ALMS1: variants seen among roughly 807,000 people sequenced by gnomAD.
ALMS1 encodes centrosome-associated protein ALMS1.
ALMS1 carries 271 observed loss-of-function variants against 352.2 expected under a neutral mutation model. The ratio of observed to expected loss-of-function variants is 0.77; its 90% CI spans 0.70 to 0.85. The LOEUF is 0.85. Ranked by LOEUF, ALMS1 falls within the 40% of genes least tolerant of loss-of-function variation. The pLI is 0.00. For missense variants in ALMS1, 5,445 were observed against 4,870.7 expected, an observed-to-expected ratio of 1.12 and a Z score of -3.51; for synonymous variants, 1,865 against 1,761.2, an observed-to-expected ratio of 1.06 and a Z score of -1.48.
chr2:73,489,760 C>T lies in ALMS1; in HGVS notation c.7801C>T (p.Pro2601Ser), dbSNP rs1553409608. The T allele has an allele frequency of 3.7e-6, 6 of 1,614,084 alleles. No homozygotes were observed. The highest frequency in any genetic ancestry group is 2.2e-5 in the East Asian group (1 of 44,880). ...TSEHPQLDRH[P>S]CAFRSAGPSE... The stretch of plus-strand genomic sequence containing the variant: ...TGAACATCCACAACTAGATAGACAC[C>T]CTTGTGCTTTCAGATCTGCTGGACC... Residue 2601 changes from proline (P) to serine (S), a missense_variant, in exon 10 of 23, where the codon CCT becomes TCT. By Grantham distance (74) the Pro-to-Ser change is moderately conservative. Coordinates refer to ENST00000613296, the MANE Select transcript of ALMS1 (RefSeq NM_001378454.1).
chr2:73,500,906 C>T (rs11893492), intron 10 of ALMS1, among the ~76,000 whole-genome samples: 2,532 of 152,170 alleles, frequency 0.017, 70 homozygotes, highest in African/African-American at 0.057. Context: ...GGATTAGATA[C>T]GCTAACCTGG....
chr2:73,551,076 C>T lies in ALMS1; in HGVS notation c.10078+639C>T, dbSNP rs1674422073. 2.0e-5 allele frequency among the ~76,000 whole-genome samples: 3 copies of T among 152,048 alleles called. No homozygotes were observed. In the South Asian group the frequency reaches 6.2e-4, roughly 32 times the overall value. On this transcript the variant is annotated intron_variant, in intron 13 of 22. Coordinates refer to ENST00000613296, the MANE Select transcript of ALMS1 (RefSeq NM_001378454.1). ...GTCTCGCTATGTTGCCTGGGCTGGT[C>T]TTGAATTCCTGGCCTCAAGCTGTCT...
At chr2:73,553,068 G>A (rs1447861894) in intron 13 of ALMS1, among the ~76,000 whole-genome samples, 1 of 152,050 alleles carries the variant, frequency 6.6e-6, no homozygotes, top group Non-Finnish European at 1.5e-5. Context: ...GGACTACCAT[G>A]TACATAAAAA....
rs745564993 is a variant in ALMS1, at chr2:73,534,861, T to C, written c.9819T>C (p.Ser3273=). 6.2e-7 allele frequency: 1 copy of C among 1,613,678 alleles called. No individual in the cohort carries two copies. The highest frequency in any genetic ancestry group is 8.5e-7 in the Non-Finnish European group (1 of 1,179,654). Residue 3273 remains serine (S), a synonymous_variant, in exon 12 of 23, where the codon AGT becomes AGC. Coordinates refer to ENST00000613296, the MANE Select transcript of ALMS1 (RefSeq NM_001378454.1). Reference sequence around the variant, plus strand: ...TATTGCCATATAAGCCTTCTGGTAGTACCAAGATGTATTATGTTCCACAAT... The same window carrying C: ...TATTGCCATATAAGCCTTCTGGTAGCACCAAGATGTATTATGTTCCACAAT... ...PLLLPYKPSG[S]TKMYYVPQLR...
chr2:73,418,090 CTT>C (rs1671213869), intron 2 of ALMS1, among the ~76,000 whole-genome samples: 1 of 152,096 alleles, frequency 6.6e-6, no homozygotes. Flanking sequence ...TATAGTAAGA[CTT>C]TTAATTTCAT....
chr2:73,514,075 C>G (rs1161464610), intron 10 of ALMS1, among the ~76,000 whole-genome samples: 1 of 152,104 alleles, frequency 6.6e-6, no homozygotes, highest in Non-Finnish European at 1.5e-5. Context: ...ATTAATATAT[C>G]TTTTCTCTCC....
At chr2:73,576,359 A>G (rs769477982) in intron 16 of ALMS1, among the ~76,000 whole-genome samples, 2 of 152,066 alleles carry the variant, frequency 1.3e-5, no homozygotes, top group African/African-American at 4.8e-5. Context: ...CATATGTGCA[A>G]TTTCTTTCTT....
chr2:73,568,768 A>G (rs1051436462), intron 15 of ALMS1, among the ~76,000 whole-genome samples: 1 of 152,172 alleles, frequency 6.6e-6, no homozygotes, highest in African/African-American at 2.4e-5. Flanking sequence ...TTAAAAATAA[A>G]TGAAAAGCAG....
intron 9 of ALMS1, among the ~76,000 whole-genome samples, chr2:73,461,248 G>T (rs1237769663): frequency 6.6e-6 from 1 of 152,198 alleles, no homozygotes; most frequent in East Asian, 1.9e-4. Context: ...AACTTCCAGA[G>T]GAATGATCAG....
chr2:73,441,212 C>T (rs1258945350), intron 7 of ALMS1, among the ~76,000 whole-genome samples: 1 of 152,160 alleles, frequency 6.6e-6, no homozygotes, highest in African/African-American at 2.4e-5. Context: ...ATGCTGGGCC[C>T]CTGCGATGGA....
At chr2:73,561,795 T>C (rs576661514) in intron 15 of ALMS1, among the ~76,000 whole-genome samples, 27 of 152,136 alleles carry the variant, frequency 1.8e-4, no homozygotes, top group Non-Finnish European at 3.5e-4. Flanking sequence ...CAGGGGTTAG[T>C]GTGGGAGACA....
chr2:73,408,819 G>T, intron 2 of ALMS1, 72 bp downstream of exon 2: 4 of 1,244,192 alleles, frequency 3.2e-6, no homozygotes, highest in East Asian at 3.0e-5. Context: ...TAGCTATGAA[G>T]AATGGAAAAA....
chr2:73,438,711 A>G lies in ALMS1; in HGVS notation c.1432+6420A>G, dbSNP rs528836115. Among the ~76,000 whole-genome samples, 88 of 152,360 alleles carry G rather than the reference A, an allele frequency of 5.8e-4. 2 individuals are homozygous for G. Among genetic ancestry groups the G allele is most frequent in the Admixed American group, 5.6e-3 (86 of 15,302 alleles). On this transcript the variant is annotated intron_variant, in intron 7 of 22. Transcript: ENST00000613296. ...CAAGGATGGTACCTCATGGAATACA[A>G]TAGCAGAAAGAGGCCAATAGAAAAT...
At chr2:73,539,478 C>G (rs1366025300) in intron 12 of ALMS1, among the ~76,000 whole-genome samples, 1 of 152,136 alleles carries the variant, frequency 6.6e-6, no homozygotes, top group Non-Finnish European at 1.5e-5. Context: ...CTCTCCTCCT[C>G]CAAAGGAACG....
At chr2:73,399,936 GT>G (rs1382540969) in intron 1 of ALMS1, among the ~76,000 whole-genome samples, 383 of 119,098 alleles carry the variant, frequency 3.2e-3, no homozygotes, top group African/African-American at 8.5e-3. Context: ...TATATTAATT[GT>G]TTTTTTTTTT....
chr2:73,491,624 C>G, intron 10 of ALMS1, 126 bp downstream of exon 10: 1 of 998,094 alleles, frequency 1.0e-6, no homozygotes, highest in South Asian at 1.4e-5. Context: ...TTGTGTCTGG[C>G]TAATTACTAG....
intron 9 of ALMS1, among the ~76,000 whole-genome samples, chr2:73,485,515 C>A (rs1083921): frequency 6.6e-6 from 1 of 151,938 alleles, no homozygotes; most frequent in African/African-American, 2.4e-5. Flanking sequence ...GCAGAGGTTA[C>A]TGCTGCTTTT....
intron 1 of ALMS1, among the ~76,000 whole-genome samples, chr2:73,389,912 A>T (rs1670608314): frequency 6.6e-6 from 1 of 151,558 alleles, no homozygotes; most frequent in South Asian, 2.1e-4. Flanking sequence ...CTGGTCTTGA[A>T]CTCCTGACCT....
At chr2:73,392,847 C>G (rs191871363) in intron 1 of ALMS1, among the ~76,000 whole-genome samples, 1 of 151,998 alleles carries the variant, frequency 6.6e-6, no homozygotes. Flanking sequence ...GGATTCATTT[C>G]TCTTGGATGT....
Sources: allele counts gnomAD v4.1 joint callset (sites outside exome capture counted in the v4.1 genomes callset), GRCh38; gene constraint gnomAD v4.1.1; transcripts MANE v1.5; gene names NCBI Gene and HGNC (gene_info 2026-07-23, HGNC 2026-07-21).